MGMT: variants seen among roughly 807,000 people sequenced by gnomAD.
MGMT encodes the protein methylated-DNA--protein-cysteine methyltransferase.
In MGMT, 14 loss-of-function variants were observed where a neutral mutation model predicts 15.9. The observed-to-expected ratio is 0.88, with a 90% CI of 0.58 to 1.37. The LOEUF (loss-of-function observed/expected upper bound fraction) is 1.37, where lower values mean the gene tolerates loss of function less well. MGMT is among the 40% of genes most tolerant of loss of function. The pLI, the probability that MGMT is intolerant of heterozygous loss-of-function variation, is 0.00. For missense variants in MGMT, 282 were observed against 268.1 expected, an observed-to-expected ratio of 1.05 and a Z score of -0.36; for synonymous variants, 130 against 118.2, an observed-to-expected ratio of 1.10 and a Z score of -0.65.
At chr10:129,552,034 G>A (rs1249062419) in intron 2 of MGMT, among the ~76,000 whole-genome samples, 1 of 152,230 alleles carries the variant, frequency 6.6e-6, no homozygotes, top group Non-Finnish European at 1.5e-5. Flanking sequence ...ATGGGACCAG[G>A]ATAAGAAGAA....
At chr10:129,467,399 T>TG in intron 1 of MGMT, 103 bp downstream of exon 1, 3 of 1,387,866 alleles carry the variant, frequency 2.2e-6, no homozygotes, top group East Asian at 3.0e-5. Context: ...CGCCGTCGGG[T>TG]GTGGGGCCGC....
At chr10:129,757,315 C>T (rs1436037722) in intron 3 of MGMT, among the ~76,000 whole-genome samples, 1 of 152,240 alleles carries the variant, frequency 6.6e-6, no homozygotes, top group Non-Finnish European at 1.5e-5. Flanking sequence ...CAGAGCAGCA[C>T]TCAAGGCTGG....
chr10:129,538,599 T>C (rs762423054), intron 2 of MGMT, among the ~76,000 whole-genome samples: 4 of 152,222 alleles, frequency 2.6e-5, no homozygotes, highest in Non-Finnish European at 5.9e-5. Flanking sequence ...TTCCTATGTT[T>C]TCTTTGTGAA....
intron 2 of MGMT, among the ~76,000 whole-genome samples, chr10:129,565,364 T>C (rs1203298162): frequency 6.6e-6 from 1 of 152,180 alleles, no homozygotes; most frequent in Non-Finnish European, 1.5e-5. Context: ...AAGCATCACT[T>C]TGAATAATAT....
intron 2 of MGMT, among the ~76,000 whole-genome samples, chr10:129,657,879 G>A (rs1415127410): frequency 6.6e-6 from 1 of 152,082 alleles, no homozygotes; most frequent in Non-Finnish European, 1.5e-5. Flanking sequence ...CCAGTGAGGA[G>A]CCCCCATCCC....
At chr10:129,611,426 A>C (rs1160370388) in intron 2 of MGMT, among the ~76,000 whole-genome samples, 1 of 152,232 alleles carries the variant, frequency 6.6e-6, no homozygotes. Flanking sequence ...TATCATGAGA[A>C]TAGCAAGGGG....
intron 1 of MGMT, among the ~76,000 whole-genome samples, chr10:129,474,596 G>C (rs956073918): frequency 6.6e-6 from 1 of 152,184 alleles, no homozygotes; most frequent in Non-Finnish European, 1.5e-5. Context: ...GACTGCAGCC[G>C]CGTTCAGGCG....
chr10:129,517,140 G>A (rs1043935924), intron 1 of MGMT, among the ~76,000 whole-genome samples: 2 of 152,186 alleles, frequency 1.3e-5, no homozygotes, highest in Non-Finnish European at 2.9e-5. Context: ...CTTAGAATGG[G>A]AGGAGAGGTC....
intron 2 of MGMT, among the ~76,000 whole-genome samples, chr10:129,596,824 G>A (rs1415223669): frequency 3.3e-5 from 5 of 152,164 alleles, no homozygotes; most frequent in East Asian, 1.9e-4. Flanking sequence ...AGTCTTATCC[G>A]CCACAGCCCA....
At chr10:129,682,994 G>A (rs564180926) in intron 2 of MGMT, among the ~76,000 whole-genome samples, 37 of 152,198 alleles carry the variant, frequency 2.4e-4, no homozygotes, top group Non-Finnish European at 3.5e-4. Flanking sequence ...GATTATAGGC[G>A]CACGCCACCA....
intron 2 of MGMT, among the ~76,000 whole-genome samples, chr10:129,644,485 G>A (rs766674611): frequency 3.8e-4 from 58 of 152,174 alleles, no homozygotes; most frequent in Non-Finnish European, 7.2e-4. Context: ...TTGGGGACAG[G>A]GGTGAGAGGA....
intron 1 of MGMT, among the ~76,000 whole-genome samples, chr10:129,480,924 C>T (rs142625442): frequency 1.9e-4 from 29 of 152,330 alleles, no homozygotes; most frequent in East Asian, 1.2e-3. Context: ...CTGCCATTTG[C>T]GGAGCCCTCC....
intron 2 of MGMT, chr10:129,693,968 TG>T (rs981716953): frequency 6.6e-6 from 1 of 150,940 alleles, no homozygotes; most frequent in Non-Finnish European, 1.5e-5. Flanking sequence ...CATGGGCAGG[TG>T]GCTCAGAATG....
intron 3 of MGMT, among the ~76,000 whole-genome samples, chr10:129,729,330 C>T (rs1348641703): frequency 2.0e-5 from 3 of 152,176 alleles, no homozygotes; most frequent in East Asian, 3.9e-4. Context: ...AGCAGCAGGT[C>T]GCAATGTCTT....
At chr10:129,628,473 T>G (rs1847175065) in intron 2 of MGMT, among the ~76,000 whole-genome samples, 1 of 152,186 alleles carries the variant, frequency 6.6e-6, no homozygotes, top group Non-Finnish European at 1.5e-5. Context: ...TTGGTTGAGC[T>G]GGTCTTGAGT....
intron 2 of MGMT, among the ~76,000 whole-genome samples, chr10:129,591,085 C>G (rs757640608): frequency 1.6e-4 from 24 of 152,154 alleles, no homozygotes; most frequent in Non-Finnish European, 3.4e-4. Context: ...GATGGGCAGG[C>G]CTGCAGAGAT....
At chr10:129,489,819 ACTTT>A (rs1845449917) in intron 1 of MGMT, among the ~76,000 whole-genome samples, 1 of 151,978 alleles carries the variant, frequency 6.6e-6, no homozygotes, top group Admixed American at 6.6e-5. Flanking sequence ...TCTTTAATTT[ACTTT>A]CTAATTTTTT....
At position 129,558,302 on chromosome 10, in the gene MGMT, A is replaced by G. The variant is rs55843729; in HGVS notation, c.125+21925A>G. On this transcript the variant is annotated intron_variant, in intron 2 of 4. Transcript: ENST00000651593. ...CTCATTGAAATACTGCCCATTTTGA[A>G]TAAGTCTAATAGTACGATGAACCAC... 8.4e-3 allele frequency among the ~76,000 whole-genome samples: 1,273 copies of G among 152,338 alleles called. 18 individuals are homozygous for G. The highest frequency in any genetic ancestry group is 0.033 in the South Asian group (158 of 4,828).
chr10:129,662,811 A>ATTTT (rs1847614562), intron 2 of MGMT, among the ~76,000 whole-genome samples: 1 of 152,174 alleles, frequency 6.6e-6, no homozygotes, highest in Admixed American at 6.5e-5. Context: ...TCAGGCTAAA[A>ATTTT]AGGCATTATA....
Sources: gnomAD v4.1 joint callset for allele counts (sites outside exome capture counted in the v4.1 genomes callset) on GRCh38, gnomAD v4.1.1 for gene constraint, MANE v1.5 for transcripts, NCBI Gene and HGNC (gene_info 2026-07-23, HGNC 2026-07-21) for gene names.